The following CACNA1E variants were observed in gnomAD, a reference collection of about 807,000 sequenced individuals.
CACNA1E encodes the protein calcium voltage-gated channel subunit alpha1 E, also known as voltage-dependent R-type calcium channel subunit alpha-1E.
A neutral mutation model predicts 259.2 loss-of-function variants in CACNA1E; 40 were observed. The observed-to-expected ratio is 0.15, with a 90% CI of 0.12 to 0.20. The LOEUF (loss-of-function observed/expected upper bound fraction) is 0.20. CACNA1E is among the 10% of genes least tolerant of loss of function. CACNA1E has a pLI of 1.00. For missense variants in CACNA1E, 1,874 were observed against 3,040.1 expected, an observed-to-expected ratio of 0.62 and a Z score of 9.02; for synonymous variants, 1,104 against 1,138.5, an observed-to-expected ratio of 0.97 and a Z score of 0.61.
At chr1:181,417,982 A>G (rs1658410484) in intron 2 of CACNA1E, among the ~76,000 whole-genome samples, 1 of 151,798 alleles carries the variant, frequency 6.6e-6, no homozygotes, top group Non-Finnish European at 1.5e-5. Flanking sequence ...TTTTCTTACA[A>G]TTTTCTCTGG....
rs1654060108 is a variant in CACNA1E, at chr1:181,363,700, G to A, written c.-15+45577G>A. On this transcript the variant is annotated intron_variant, in intron 1 of 11. Transcript: ENST00000524607. ...CATTGGCTATATAGGTTGCTGCAGG[G>A]CAGAAAGAGACTCCCCTGGTCTCTG... 3.3e-5 allele frequency among the ~76,000 whole-genome samples: 5 copies of A among 152,168 alleles called. No individual in the cohort carries two copies. The South Asian group carries it at 1.0e-3, about 32-fold the overall frequency.
At chr1:181,631,793 G>A (rs1266700906) in intron 6 of CACNA1E, among the ~76,000 whole-genome samples, 1 of 152,190 alleles carries the variant, frequency 6.6e-6, no homozygotes, top group East Asian at 1.9e-4. Flanking sequence ...TGAAAGTAGA[G>A]AGCTGAGGAA....
At chr1:181,624,187 G>A (rs1403034297) in intron 6 of CACNA1E, among the ~76,000 whole-genome samples, 2 of 152,012 alleles carry the variant, frequency 1.3e-5, no homozygotes, top group Admixed American at 6.5e-5. Context: ...ATGGCACCAG[G>A]CATCAAGCTA....
At chr1:181,514,597 C>T (rs1248582035) in intron 3 of CACNA1E, among the ~76,000 whole-genome samples, 1 of 152,172 alleles carries the variant, frequency 6.6e-6, no homozygotes. Flanking sequence ...CTTCCCACCT[C>T]ATCTCCAGGT....
intron 3 of CACNA1E, among the ~76,000 whole-genome samples, chr1:181,572,126 G>A (rs943284071): frequency 6.6e-6 from 1 of 151,680 alleles, no homozygotes; most frequent in Non-Finnish European, 1.5e-5. Flanking sequence ...GTATTTTCAG[G>A]CATAGACTTG....
chr1:181,755,126 G>A, intron 27 of CACNA1E, 111 bp from the exon 28 acceptor site: 1 of 776,592 alleles, frequency 1.3e-6, no homozygotes, highest in South Asian at 2.2e-5. Flanking sequence ...TTCTCTCCTG[G>A]GACAACTTCT....
intron 1 of CACNA1E, among the ~76,000 whole-genome samples, chr1:181,347,873 A>G (rs1652727482): frequency 6.6e-6 from 1 of 152,212 alleles, no homozygotes; most frequent in African/African-American, 2.4e-5. Flanking sequence ...TCCCCTTTTT[A>G]TCAAGAAATA....
intron 2 of CACNA1E, among the ~76,000 whole-genome samples, chr1:181,437,076 A>G (rs1259497811): frequency 1.3e-5 from 2 of 152,174 alleles, no homozygotes; most frequent in African/African-American, 4.8e-5. Flanking sequence ...GCCGTCAATA[A>G]CTGCATGTTT....
At chr1:181,604,559 G>A (rs1654053535) in intron 6 of CACNA1E, among the ~76,000 whole-genome samples, 1 of 152,210 alleles carries the variant, frequency 6.6e-6, no homozygotes, top group South Asian at 2.1e-4. Context: ...ACAGTGCCAG[G>A]CCTCACACTG....
intron 3 of CACNA1E, among the ~76,000 whole-genome samples, chr1:181,553,909 G>A (rs1273021541): frequency 6.6e-6 from 1 of 152,134 alleles, no homozygotes; most frequent in African/African-American, 2.4e-5. Context: ...TGAGGTGATT[G>A]CTATCATTAT....
chr1:181,597,454 T>C (rs1196219668), intron 6 of CACNA1E, among the ~76,000 whole-genome samples: 1 of 152,190 alleles, frequency 6.6e-6, no homozygotes, highest in Admixed American at 6.5e-5. Flanking sequence ...ACACACTTCG[T>C]TGGGATCTCT....
At chr1:181,626,883 A>C (rs1199611595) in intron 6 of CACNA1E, among the ~76,000 whole-genome samples, 1 of 152,242 alleles carries the variant, frequency 6.6e-6, no homozygotes, top group African/African-American at 2.4e-5. Flanking sequence ...GTTAGTGTAG[A>C]GTATGCTACT....
intron 1 of CACNA1E, among the ~76,000 whole-genome samples, chr1:181,331,467 A>C (rs1253272125): frequency 6.6e-6 from 1 of 152,102 alleles, no homozygotes; most frequent in Non-Finnish European, 1.5e-5. Flanking sequence ...AGGAGAGGGG[A>C]GGAAGAGTGT....
intron 18 of CACNA1E, among the ~76,000 whole-genome samples, chr1:181,730,856 G>A (rs1384727487): frequency 6.6e-6 from 1 of 152,256 alleles, no homozygotes; most frequent in African/African-American, 2.4e-5. Flanking sequence ...TCTGAAGGAT[G>A]TGTAGGTGGA....
intron 37 of CACNA1E, among the ~76,000 whole-genome samples, chr1:181,773,723 G>A (rs1441191028): frequency 6.6e-6 from 1 of 152,160 alleles, no homozygotes; most frequent in African/African-American, 2.4e-5. Context: ...CACTGCTAGG[G>A]TGAAATGGAG....
upstream of CACNA1E, among the ~76,000 whole-genome samples, chr1:181,480,866 G>A (rs1342044774): frequency 1.3e-5 from 2 of 152,138 alleles, no homozygotes; most frequent in Non-Finnish European, 2.9e-5. Flanking sequence ...TATCCTCAGT[G>A]CCTAAAACAG....
chr1:181,602,727 A>G (rs1653859791), intron 6 of CACNA1E, among the ~76,000 whole-genome samples: 2 of 152,174 alleles, frequency 1.3e-5, no homozygotes, highest in South Asian at 4.1e-4. Context: ...TCAGAATAGC[A>G]TTGCCACACT....
chr1:181,472,759 T>C (rs1662596922), intron 2 of CACNA1E, among the ~76,000 whole-genome samples: 1 of 152,212 alleles, frequency 6.6e-6, no homozygotes, highest in Admixed American at 6.5e-5. Flanking sequence ...TTGCTTCTTT[T>C]AACACAAAAA....
In CACNA1E at chr1:181,711,011, G is replaced by A. The variant is rs1364900476; in HGVS notation, c.1113G>A (p.Arg371=). Residue 371 remains arginine (R), a synonymous_variant, in exon 8 of 48, where the codon CGG becomes CGA. Transcript: ENST00000367573. ...VENRRAFMKL[R]RQQQIERELN... Reference sequence around the variant, plus strand: ...ACCGAAGGGCTTTCATGAAGCTGCGGCGCCAGCAGCAGATTGAGCGTGAGC... The same window carrying A: ...ACCGAAGGGCTTTCATGAAGCTGCGACGCCAGCAGCAGATTGAGCGTGAGC... 45 of 1,613,826 alleles carry A rather than the reference G, an allele frequency of 2.8e-5. 2 individuals carry two copies. The Middle Eastern group carries it at 9.9e-4, about 35-fold the overall frequency.
Sources: allele counts gnomAD v4.1 joint callset (sites outside exome capture counted in the v4.1 genomes callset), GRCh38; gene constraint gnomAD v4.1.1; transcripts MANE v1.5; gene names NCBI Gene and HGNC (gene_info 2026-07-23, HGNC 2026-07-21).